Variants in DNAH3 observed in about 807,000 individuals in gnomAD.
The protein encoded by DNAH3 is axonemal beta dynein heavy chain 3.
A neutral mutation model predicts 432.5 loss-of-function variants in DNAH3; 332 were observed. That is an observed-to-expected ratio of 0.77 (90% CI 0.70 to 0.84). The LOEUF is 0.84. Among genes scored for constraint, DNAH3 ranks in the 40% least tolerant of loss-of-function variants. The pLI is 0.00. For synonymous variants in DNAH3, 1,956 were observed against 1,900.2 expected (o/e 1.03, Z -0.76); for missense variants, 4,861 against 5,114.0 (o/e 0.95, Z 1.51).
chr16:20,947,729 C>A (rs1263205874), intron 57 of DNAH3, among the ~76,000 whole-genome samples: 1 of 152,066 alleles, frequency 6.6e-6, no homozygotes, highest in Non-Finnish European at 1.5e-5. Flanking sequence ...AATACAATTT[C>A]AGAGTTTTTC....
chr16:21,141,675 T>G (rs1220529041), intron 3 of DNAH3, among the ~76,000 whole-genome samples: 10 of 152,240 alleles, frequency 6.6e-5, no homozygotes, highest in Admixed American at 6.5e-4. Context: ...TCATGTACTC[T>G]CCAATATTGT....
chr16:20,933,991 A>G (rs553708039), intron 61 of DNAH3, among the ~76,000 whole-genome samples: 1 of 152,314 alleles, frequency 6.6e-6, no homozygotes, highest in East Asian at 1.9e-4. Flanking sequence ...AAAATTCCTG[A>G]AAATGTAACA....
chr16:21,012,756 CTT>C (rs1364412816), intron 41 of DNAH3, among the ~76,000 whole-genome samples: 1 of 152,058 alleles, frequency 6.6e-6, no homozygotes. Flanking sequence ...CAATAAAACA[CTT>C]TTTAATTTTT....
chr16:20,985,377 T>G (rs1567583971), exon 48 of DNAH3: 1 of 1,614,082 alleles, frequency 6.2e-7, no homozygotes, highest in African/African-American at 1.3e-5. Context: ...CAATCTGGTA[T>G]AGCTCGTATG....
At chr16:21,125,660 C>A (rs2092433567) in intron 8 of DNAH3, among the ~76,000 whole-genome samples, 1 of 152,168 alleles carries the variant, frequency 6.6e-6, no homozygotes, top group Non-Finnish European at 1.5e-5. Context: ...TCATTATAAT[C>A]AGAGATTGGG....
At chr16:21,096,134 A>ATTTTTT (rs11286672) in intron 18 of DNAH3, among the ~76,000 whole-genome samples, 1 of 140,020 alleles carries the variant, frequency 7.1e-6, no homozygotes, top group African/African-American at 2.7e-5. Context: ...AGGGTCTCTG[A>ATTTTTT]TTTTTTTTTT....
At chr16:20,985,679 C>A (rs548803556) in exon 48 of DNAH3, 25 of 1,613,920 alleles carry the variant, frequency 1.5e-5, no homozygotes, top group Non-Finnish European at 2.1e-5. Flanking sequence ...ATGTTATCAT[C>A]GACTATCTTT....
intron 53 of DNAH3, among the ~76,000 whole-genome samples, chr16:20,960,273 T>A (rs981401678): frequency 2.6e-5 from 4 of 152,124 alleles, no homozygotes; most frequent in African/African-American, 9.7e-5. Context: ...TTACTCTAGA[T>A]GTTAAAGTTT....
chr16:21,051,253 G>C (rs1420013086), intron 29 of DNAH3, among the ~76,000 whole-genome samples: 2 of 152,196 alleles, frequency 1.3e-5, no homozygotes, highest in African/African-American at 4.8e-5. Flanking sequence ...AGAGGACTTT[G>C]CTGAGCACAG....
intron 61 of DNAH3, among the ~76,000 whole-genome samples, 173 bp downstream of exon 61, chr16:20,935,171 CTAAT>C (rs1203600021): frequency 2.0e-5 from 3 of 152,136 alleles, no homozygotes; most frequent in East Asian, 3.8e-4. Context: ...TGGGAATCCT[CTAAT>C]TATTTTAGGA....
intron 57 of DNAH3, among the ~76,000 whole-genome samples, chr16:20,945,678 G>A (rs190721034): frequency 2.0e-5 from 3 of 152,154 alleles, no homozygotes; most frequent in East Asian, 3.9e-4. Context: ...TTTTAGTAGC[G>A]ACGGGGTTTC....
intron 57 of DNAH3, 108 bp from the exon 58 acceptor site, chr16:20,944,771 C>T: frequency 1.1e-6 from 1 of 897,578 alleles, no homozygotes; most frequent in Non-Finnish European, 1.7e-6. Context: ...GTATCAGTAG[C>T]ACAGGACACA....
rs182983733 is a variant in DNAH3, at chr16:21,014,402, A to G, written c.6022+5222T>C. On this transcript the variant is annotated intron_variant, in intron 41 of 61. Coordinates refer to ENST00000261383, the Ensembl canonical transcript of DNAH3. ...CAGAAAAAGCATTTGACAAAATCCAACATCCACTCATGACAAAGACTCTCA... is the reference window on the plus strand; with the variant it reads ...CAGAAAAAGCATTTGACAAAATCCAGCATCCACTCATGACAAAGACTCTCA... Among the ~76,000 whole-genome samples, 18 of 152,354 alleles carry G rather than the reference A, an allele frequency of 1.2e-4. 1 individual carries two copies. In the East Asian group the frequency reaches 3.5e-3, roughly 29 times the overall value.
intron 24 of DNAH3, among the ~76,000 whole-genome samples, chr16:21,066,617 C>T (rs948453117): frequency 6.6e-6 from 1 of 152,162 alleles, no homozygotes; most frequent in Non-Finnish European, 1.5e-5. Flanking sequence ...AATCCTCCCA[C>T]CTTGGCCTCC....
At chr16:21,154,178 T>A (rs1001661492) in intron 1 of DNAH3, among the ~76,000 whole-genome samples, 1 of 152,062 alleles carries the variant, frequency 6.6e-6, no homozygotes, top group Non-Finnish European at 1.5e-5. Context: ...CCAAGGCGAG[T>A]GGATCGCCTG....
chr16:20,944,541 C>A lies in DNAH3; in HGVS notation c.11466G>T (p.Leu3822=), dbSNP rs374609923. Reference sequence around the variant, plus strand: ...CTCCTGACTGTCTAGGGAGGGTCAGCAGGACCCCCTCAAACAGCTGGTTGG... The same window carrying A: ...CTCCTGACTGTCTAGGGAGGGTCAGAAGGACCCCCTCAAACAGCTGGTTGG... The change falls in exon 58 of 62, where the codon CTG becomes CTT. Residue 3822 remains leucine (L), a synonymous_variant. Coordinates refer to ENST00000261383, the Ensembl canonical transcript of DNAH3. 8 of 1,614,154 alleles carry A rather than the reference C, an allele frequency of 5.0e-6. No homozygotes were observed. The African/African-American group carries it at 6.7e-5, about 13-fold the overall frequency.
chr16:21,028,726 G>A (rs1053230496), intron 37 of DNAH3, among the ~76,000 whole-genome samples: 2 of 151,942 alleles, frequency 1.3e-5, no homozygotes, highest in African/African-American at 4.8e-5. Flanking sequence ...AGGAAGTAGT[G>A]CAATTACACA....
intron 16 of DNAH3, among the ~76,000 whole-genome samples, chr16:21,100,464 T>C (rs1238117118): frequency 1.3e-5 from 2 of 152,228 alleles, no homozygotes; most frequent in Non-Finnish European, 2.9e-5. Flanking sequence ...ATCCTTAGTG[T>C]AAAAACATTT....
chr16:21,125,321 T>A (rs1567834641), exon 9 of DNAH3: 1 of 1,612,886 alleles, frequency 6.2e-7, no homozygotes, highest in East Asian at 2.2e-5. Flanking sequence ...GCAAAATGAA[T>A]CCAGTGCTCC....
Sources: gnomAD v4.1 joint callset for allele counts (sites outside exome capture counted in the v4.1 genomes callset) on GRCh38, gnomAD v4.1.1 for gene constraint, MANE v1.5 for transcripts, NCBI Gene and HGNC (gene_info 2026-07-23, HGNC 2026-07-21) for gene names.